GALNTL6: variants seen among roughly 807,000 people sequenced by gnomAD.
GALNTL6 encodes the protein polypeptide N-acetylgalactosaminyltransferase-like 6.
In GALNTL6, 46 loss-of-function variants were observed where a neutral mutation model predicts 73.7. That is an observed-to-expected ratio of 0.62 (90% CI 0.49 to 0.80). The LOEUF (loss-of-function observed/expected upper bound fraction) is 0.80, where lower values mean the gene tolerates loss of function less well. Ranked by LOEUF, GALNTL6 falls within the 30% of genes least tolerant of loss-of-function variation. The pLI is 0.00. For synonymous variants in GALNTL6, 259 were observed against 263.7 expected, an observed-to-expected ratio of 0.98 and a Z score of 0.17; for missense variants, 604 against 755.0, an observed-to-expected ratio of 0.80 and a Z score of 2.34.
chr4:172,053,442 C>T (rs939226098), intron 2 of GALNTL6, among the ~76,000 whole-genome samples: 20 of 152,116 alleles, frequency 1.3e-4, no homozygotes, highest in African/African-American at 4.8e-4. Context: ...TAGCCATTCT[C>T]CTGAAAGCTG....
chr4:172,572,983 G>T (rs13123441), intron 5 of GALNTL6, among the ~76,000 whole-genome samples: 69,260 of 151,860 alleles, frequency 0.46, 18,280 homozygotes, highest in East Asian at 0.67. Flanking sequence ...TAAATATCTA[G>T]AATTATTGAA....
chr4:172,225,015 A>G (rs1235789538), intron 2 of GALNTL6, among the ~76,000 whole-genome samples: 2 of 152,096 alleles, frequency 1.3e-5, no homozygotes, highest in African/African-American at 2.4e-5. Flanking sequence ...AAAGTCCTCA[A>G]GGTGAAAAAC....
At chr4:172,533,481 C>A (rs935102092) in intron 5 of GALNTL6, among the ~76,000 whole-genome samples, 1 of 151,764 alleles carries the variant, frequency 6.6e-6, no homozygotes, top group Admixed American at 6.6e-5. Context: ...AACGCCACCA[C>A]GCCTGGCTAA....
At chr4:172,042,678 C>G (rs1226374958) in intron 2 of GALNTL6, among the ~76,000 whole-genome samples, 1 of 151,346 alleles carries the variant, frequency 6.6e-6, no homozygotes, top group East Asian at 1.9e-4. Flanking sequence ...CAAAACAACT[C>G]AAAAATGTTT....
intron 4 of GALNTL6, among the ~76,000 whole-genome samples, chr4:172,337,907 A>G (rs866013010): frequency 6.6e-6 from 1 of 152,026 alleles, no homozygotes; most frequent in African/African-American, 2.4e-5. Context: ...CAGGAATGCC[A>G]GTGATTCATA....
intron 5 of GALNTL6, among the ~76,000 whole-genome samples, chr4:172,661,485 T>A (rs1049796869): frequency 6.6e-6 from 1 of 152,020 alleles, no homozygotes; most frequent in Non-Finnish European, 1.5e-5. Flanking sequence ...ACACTGGAAA[T>A]AACAAGATGA....
rs541050933 is a variant in GALNTL6 at position 172,694,088 on chromosome 4, T to C, written c.554-115273T>C. On this transcript the variant is annotated intron_variant, in intron 5 of 12. Transcript: ENST00000506823. ...AAGAAGTATTGGTTTATTTGAGCAG[T>C]CAGAGAAGGTGTATCAGTAAGCAGC... Among the ~76,000 whole-genome samples, 220 of 151,942 alleles carry C rather than the reference T, an allele frequency of 1.4e-3. 1 individual carries two copies. The highest frequency in any genetic ancestry group is 5.1e-3 in the African/African-American group (211 of 41,498).
intron 5 of GALNTL6, among the ~76,000 whole-genome samples, chr4:172,469,419 A>G (rs1280439524): frequency 1.3e-5 from 2 of 151,604 alleles, no homozygotes; most frequent in Admixed American, 6.6e-5. Flanking sequence ...CAGCCTGGGC[A>G]ACATAGTGAG....
chr4:172,638,265 A>C (rs1376750904), intron 5 of GALNTL6, among the ~76,000 whole-genome samples: 1 of 152,180 alleles, frequency 6.6e-6, no homozygotes. Flanking sequence ...TATTGCAGAC[A>C]AGAAGCTAGA....
At chr4:172,993,625 G>T (rs1323592063) in intron 10 of GALNTL6, among the ~76,000 whole-genome samples, 1 of 152,128 alleles carries the variant, frequency 6.6e-6, no homozygotes, top group Non-Finnish European at 1.5e-5. Flanking sequence ...GCATGCAATG[G>T]GGCTAATTAG....
chr4:172,215,141 C>A (rs1330948150), intron 2 of GALNTL6, among the ~76,000 whole-genome samples: 1 of 151,898 alleles, frequency 6.6e-6, no homozygotes. Flanking sequence ...TGTATGATTT[C>A]TATTCTTTTT....
At chr4:172,301,804 A>G (rs369113143) in intron 3 of GALNTL6, among the ~76,000 whole-genome samples, 1 of 152,026 alleles carries the variant, frequency 6.6e-6, no homozygotes, top group Non-Finnish European at 1.5e-5. Flanking sequence ...CAGTTAGGCT[A>G]TTCAGGGTTC....
At chr4:172,526,036 T>C (rs1156313104) in intron 5 of GALNTL6, among the ~76,000 whole-genome samples, 1 of 152,202 alleles carries the variant, frequency 6.6e-6, no homozygotes, top group Non-Finnish European at 1.5e-5. Flanking sequence ...CAATGATGAA[T>C]TGAAGTTTAC....
At chr4:171,827,299 G>A (rs1322173519) in intron 2 of GALNTL6, among the ~76,000 whole-genome samples, 1 of 152,070 alleles carries the variant, frequency 6.6e-6, no homozygotes, top group African/African-American at 2.4e-5. Context: ...TTATTTACAG[G>A]AAATAATTAA....
At chr4:172,970,320 G>A (rs1453318148) in intron 10 of GALNTL6, among the ~76,000 whole-genome samples, 1 of 152,120 alleles carries the variant, frequency 6.6e-6, no homozygotes, top group African/African-American at 2.4e-5. Context: ...ATTCACCAGG[G>A]CAGGATTTTT....
At chr4:172,384,172 G>A (rs1743382049) in intron 5 of GALNTL6, among the ~76,000 whole-genome samples, 1 of 152,100 alleles carries the variant, frequency 6.6e-6, no homozygotes. Context: ...GTTAAAAACT[G>A]GTATTAATTA....
intron 10 of GALNTL6, among the ~76,000 whole-genome samples, chr4:172,995,661 G>A (rs948115301): frequency 6.6e-6 from 1 of 152,132 alleles, no homozygotes; most frequent in Non-Finnish European, 1.5e-5. Context: ...CTCTCCTCTT[G>A]TGCACCCTTA....
Position 172,946,485 on chromosome 4 carries a change from C to G in GALNTL6, c.1150-5552C>G, listed in dbSNP as rs951779191. On this transcript the variant is annotated intron_variant, in intron 9 of 12. Coordinates refer to ENST00000506823, the MANE Select transcript of GALNTL6 (RefSeq NM_001034845.3). The stretch of plus-strand genomic sequence containing the variant: ...CTATCTATTTTCCTCATGCTGTACA[C>G]CAACAGTGATCAGTCAAGCTGGAAA... Among the ~76,000 whole-genome samples, 7 of 152,142 alleles carry G rather than the reference C, an allele frequency of 4.6e-5. No individual in the cohort carries two copies. The South Asian group carries it at 1.2e-3, about 27-fold the overall frequency.
chr4:172,384,530 T>C (rs1743393181), intron 5 of GALNTL6, among the ~76,000 whole-genome samples: 1 of 152,094 alleles, frequency 6.6e-6, no homozygotes, highest in Non-Finnish European at 1.5e-5. Flanking sequence ...AGTCTGGCAA[T>C]TTTGTTAAAG....
Sources: allele counts gnomAD v4.1 joint callset (sites outside exome capture counted in the v4.1 genomes callset), GRCh38; gene constraint gnomAD v4.1.1; transcripts MANE v1.5; gene names NCBI Gene and HGNC (gene_info 2026-07-23, HGNC 2026-07-21).